The following KSR2 variants were observed in gnomAD, a reference collection of about 807,000 sequenced individuals.
KSR2 encodes kinase suppressor of ras 2.
KSR2 carries 25 observed loss-of-function variants against 107.8 expected under a neutral mutation model. The ratio of observed to expected loss-of-function variants is 0.23; its 90% CI spans 0.17 to 0.32. The LOEUF (loss-of-function observed/expected upper bound fraction) is 0.32, where lower values mean the gene tolerates loss of function less well. Ranked by LOEUF, KSR2 falls within the 10% of genes least tolerant of loss-of-function variation. KSR2 has a pLI of 1.00. For synonymous variants in KSR2, 480 were observed against 507.0 expected, an observed-to-expected ratio of 0.95 and a Z score of 0.71; for missense variants, 887 against 1,268.9, an observed-to-expected ratio of 0.70 and a Z score of 4.57.
intron 7 of KSR2, among the ~76,000 whole-genome samples, chr12:117,566,214 A>C (rs1451024793): frequency 6.6e-6 from 1 of 151,938 alleles, no homozygotes; most frequent in African/African-American, 2.4e-5. Context: ...TTCCGCCCCC[A>C]GTTCGAGTGA....
chr12:117,596,644 A>G (rs1880661732), intron 5 of KSR2, among the ~76,000 whole-genome samples: 1 of 152,228 alleles, frequency 6.6e-6, no homozygotes, highest in African/African-American at 2.4e-5. Context: ...ATTAATTAAC[A>G]TCAGCGCAAC....
At chr12:117,552,207 T>A (rs1199213207) in intron 9 of KSR2, among the ~76,000 whole-genome samples, 1 of 152,162 alleles carries the variant, frequency 6.6e-6, no homozygotes, top group Admixed American at 6.5e-5. Context: ...ATAGCTAGAA[T>A]CTCCTGGATA....
At chr12:117,800,604 TTAA>T (rs1430033692) in intron 3 of KSR2, among the ~76,000 whole-genome samples, 3 of 152,172 alleles carry the variant, frequency 2.0e-5, no homozygotes, top group Non-Finnish European at 2.9e-5. Flanking sequence ...TTATTTTACT[TTAA>T]GTTCTGGGAT....
At chr12:117,628,131 T>C (rs1882618579) in intron 5 of KSR2, among the ~76,000 whole-genome samples, 1 of 152,214 alleles carries the variant, frequency 6.6e-6, no homozygotes, top group South Asian at 2.1e-4. Context: ...TTTAGCTTCC[T>C]TGTGGTGGAT....
intron 4 of KSR2, among the ~76,000 whole-genome samples, chr12:117,673,141 G>T (rs1367250056): frequency 6.6e-6 from 1 of 152,188 alleles, no homozygotes; most frequent in Non-Finnish European, 1.5e-5. Context: ...GAGTCAATCT[G>T]TTTTACCAAC....
At chr12:117,595,396 T>C (rs997734981) in intron 5 of KSR2, among the ~76,000 whole-genome samples, 3 of 128,254 alleles carry the variant, frequency 2.3e-5, no homozygotes, top group Admixed American at 9.6e-5. Flanking sequence ...CTCGCTCTGT[T>C]GCCCAGGCCG....
Position 117,630,133 on chromosome 12 carries a change from G to A in KSR2, c.1171+37341C>T, listed in dbSNP as rs12580494. On this transcript the variant is annotated intron_variant, in intron 5 of 19. Transcript: ENST00000339824. ...AATCCCTGGGGTCTAAGGAACAGGT[G>A]TTGCACATGCCTAATGTCCTCCCAC... Among the ~76,000 whole-genome samples the A allele has an allele frequency of 9.1e-4, 139 of 152,332 alleles. 1 individual carries two copies. The East Asian group carries it at 0.024, about 27-fold the overall frequency.
chr12:117,906,353 CAAAAAA>C (rs57733205), intron 1 of KSR2, among the ~76,000 whole-genome samples: 5 of 58,242 alleles, frequency 8.6e-5, no homozygotes, highest in African/African-American at 3.3e-4. Context: ...AACTCTGTCT[CAAAAAA>C]AAAAAAAAAA....
At chr12:117,702,222 T>C (rs1886358099) in intron 4 of KSR2, among the ~76,000 whole-genome samples, 1 of 152,204 alleles carries the variant, frequency 6.6e-6, no homozygotes, top group African/African-American at 2.4e-5. Flanking sequence ...TGGGCCAACA[T>C]GATTCCCTGT....
At chr12:117,826,291 C>T (rs904348612) in intron 3 of KSR2, among the ~76,000 whole-genome samples, 3 of 152,054 alleles carry the variant, frequency 2.0e-5, no homozygotes, top group African/African-American at 7.2e-5. Context: ...GTACACCCTC[C>T]CAGGTGCTAA....
intron 3 of KSR2, among the ~76,000 whole-genome samples, chr12:117,844,364 T>C (rs1434315776): frequency 6.6e-6 from 1 of 151,914 alleles, no homozygotes; most frequent in Admixed American, 6.6e-5. Flanking sequence ...ATTATGATGA[T>C]GAAACTATAC....
At chr12:117,738,168 A>G (rs2136764964) in intron 4 of KSR2, among the ~76,000 whole-genome samples, 1 of 152,320 alleles carries the variant, frequency 6.6e-6, no homozygotes, top group South Asian at 2.1e-4. Flanking sequence ...GCTCCCACAC[A>G]CTAGCTGCAA....
At chr12:117,861,934 C>G (rs1893310632) in intron 1 of KSR2, among the ~76,000 whole-genome samples, 1 of 152,128 alleles carries the variant, frequency 6.6e-6, no homozygotes, top group South Asian at 2.1e-4. Flanking sequence ...AAGGCAATAC[C>G]TGTGTGTCTG....
chr12:117,526,922 A>C (rs1352822535), intron 13 of KSR2, 149 bp downstream of exon 13: 1 of 686,818 alleles, frequency 1.5e-6, no homozygotes, highest in African/African-American at 1.8e-5. Flanking sequence ...CTGCTTGCTA[A>C]TTGTCCCAGA....
At chr12:117,853,857 G>A (rs1342659637) in intron 3 of KSR2, among the ~76,000 whole-genome samples, 2 of 152,102 alleles carry the variant, frequency 1.3e-5, no homozygotes, top group African/African-American at 4.8e-5. Context: ...TTGCCTCCCT[G>A]GGAACATTTT....
chr12:117,651,569 T>C (rs1346179011), intron 5 of KSR2, among the ~76,000 whole-genome samples: 3 of 152,176 alleles, frequency 2.0e-5, no homozygotes, highest in Admixed American at 6.5e-5. Context: ...ATGTTGCATA[T>C]TGGGGAGTTA....
At chr12:117,848,340 G>C (rs1345069775) in intron 3 of KSR2, among the ~76,000 whole-genome samples, 2 of 152,238 alleles carry the variant, frequency 1.3e-5, no homozygotes. Flanking sequence ...AGACGCTGAA[G>C]TTCCCAGTTT....
intron 1 of KSR2, among the ~76,000 whole-genome samples, chr12:117,903,741 C>T (rs1277975220): frequency 6.6e-6 from 1 of 152,218 alleles, no homozygotes; most frequent in Non-Finnish European, 1.5e-5. Context: ...CACTGTGGCT[C>T]ATGACTGTAA....
rs983752353 is a variant in KSR2 at position 117,466,855 on chromosome 12, C to A, written c.*344G>T. 1.4e-5 allele frequency: 4 copies of A among 294,172 alleles called. No individual in the cohort carries two copies. The highest frequency in any genetic ancestry group is 5.2e-5 in the Admixed American group (1 of 19,318). The allele number at this position is 294,172 out of a possible 1,614,324, so 18.2% of individuals were successfully genotyped here. A position where few individuals can be genotyped will look rare whatever the true frequency, so the allele number is the denominator to read the frequency against. ...CACACACATAGCCCCGTCTGTGAGCCCCCCCACGTGGGGTCTCCTGTCCTA... is the reference window on the plus strand; with the variant it reads ...CACACACATAGCCCCGTCTGTGAGCACCCCCACGTGGGGTCTCCTGTCCTA... On this transcript the variant is annotated 3_prime_UTR_variant, in exon 20 of 20. Transcript: ENST00000339824.
Sources: gnomAD v4.1 joint callset for allele counts (sites outside exome capture counted in the v4.1 genomes callset) on GRCh38, gnomAD v4.1.1 for gene constraint, MANE v1.5 for transcripts, NCBI Gene and HGNC (gene_info 2026-07-23, HGNC 2026-07-21) for gene names.